DAGLA: variants seen among roughly 807,000 people sequenced by gnomAD.
DAGLA encodes diacylglycerol lipase alpha.
In DAGLA, 22 loss-of-function variants were observed where a neutral mutation model predicts 102.6. The ratio of observed to expected loss-of-function variants is 0.21; its 90% CI spans 0.15 to 0.31. The LOEUF (loss-of-function observed/expected upper bound fraction) is 0.31, where lower values mean the gene tolerates loss of function less well. Among genes scored for constraint, DAGLA ranks in the 10% least tolerant of loss-of-function variants. The pLI, the probability that DAGLA is intolerant of heterozygous loss-of-function variation, is 1.00. For synonymous variants in DAGLA, 578 were observed against 628.9 expected, an observed-to-expected ratio of 0.92 and a Z score of 1.21; for missense variants, 927 against 1,446.6, an observed-to-expected ratio of 0.64 and a Z score of 5.83.
chr11:61,737,868 G>A, intron 15 of DAGLA, 113 bp downstream of exon 15: 1 of 988,810 alleles, frequency 1.0e-6, no homozygotes, highest in Non-Finnish European at 1.6e-6. Context: ...GTCTCTCAAG[G>A]GACCCCACGC....
At chr11:61,738,509 C>G (rs1340843678) in intron 16 of DAGLA, among the ~76,000 whole-genome samples, 2 of 152,208 alleles carry the variant, frequency 1.3e-5, no homozygotes, top group Non-Finnish European at 2.9e-5. Context: ...TCACACAGAG[C>G]TGGGAGCTGC....
At chr11:61,692,874 A>G (rs561795089) in intron 1 of DAGLA, among the ~76,000 whole-genome samples, 1 of 130,710 alleles carries the variant, frequency 7.7e-6, no homozygotes, top group African/African-American at 2.8e-5. Context: ...CTCACCTTTT[A>G]GTTCAGTAAA....
chr11:61,722,352 G>A (rs567067880), intron 3 of DAGLA, among the ~76,000 whole-genome samples: 276 of 152,298 alleles, frequency 1.8e-3, no homozygotes, highest in African/African-American at 6.1e-3. Context: ...TTGGGAGGCC[G>A]AGGCGGGTGG....
Position 61,743,567 on chromosome 11 carries a change from T to A in DAGLA, c.2207T>A (p.Phe736Tyr). Reference sequence around the variant, plus strand: ...CAGTCTGAGATGAGCCTGGAGGGCTTCTCGGAGGGGCGGCTGCTGTCGCCA... The same window carrying A: ...CAGTCTGAGATGAGCCTGGAGGGCTACTCGGAGGGGCGGCTGCTGTCGCCA... Reference protein sequence around the residue: ...KSQSEMSLEGFSEGRLLSPVV... With the variant: ...KSQSEMSLEGYSEGRLLSPVV... The change falls in exon 20 of 20, where the codon TTC becomes TAC. Residue 736 changes from phenylalanine (F) to tyrosine (Y), a missense_variant. Around this residue, in one of 4 missense-constraint regions of DAGLA, gnomAD observed 434 missense variants for 503.3 expected, o/e 0.86. Coordinates refer to ENST00000257215, the MANE Select transcript of DAGLA (RefSeq NM_006133.3). The A allele has an allele frequency of 6.5e-7, 1 of 1,547,950 alleles. No individual in the cohort carries two copies. Among genetic ancestry groups the A allele is most frequent in the Non-Finnish European group, 8.7e-7 (1 of 1,153,616 alleles).
intron 1 of DAGLA, among the ~76,000 whole-genome samples, chr11:61,685,132 A>G (rs1405399265): frequency 1.3e-5 from 2 of 151,950 alleles, no homozygotes; most frequent in African/African-American, 4.8e-5. Flanking sequence ...GCCCATGGGT[A>G]GTTATGACTT....
chr11:61,699,488 C>T (rs1201195895), intron 1 of DAGLA, among the ~76,000 whole-genome samples: 1 of 152,212 alleles, frequency 6.6e-6, no homozygotes, highest in East Asian at 1.9e-4. Flanking sequence ...CCCACATGGG[C>T]CTCATCCCAT....
intron 1 of DAGLA, among the ~76,000 whole-genome samples, chr11:61,716,683 C>G (rs764215710): frequency 6.6e-6 from 1 of 152,098 alleles, no homozygotes. Context: ...CGCTGCCGCC[C>G]GAGGGGCTTG....
chr11:61,715,704 C>T (rs1490411040), intron 1 of DAGLA, among the ~76,000 whole-genome samples: 1 of 152,228 alleles, frequency 6.6e-6, no homozygotes, highest in Non-Finnish European at 1.5e-5. Flanking sequence ...GCACCAGCAG[C>T]ACCTTCCAGA....
chr11:61,716,257 C>T (rs1437111159), intron 1 of DAGLA, among the ~76,000 whole-genome samples: 1 of 152,090 alleles, frequency 6.6e-6, no homozygotes, highest in Non-Finnish European at 1.5e-5. Flanking sequence ...TTAACCGTAA[C>T]ACAGTGTGAC....
intron 2 of DAGLA, 46 bp from the exon 3 acceptor site, chr11:61,720,633 G>GT: frequency 6.3e-7 from 1 of 1,590,098 alleles, no homozygotes; most frequent in South Asian, 1.1e-5. Context: ...GCATCTCGAG[G>GT]TACAGGGGCC....
rs1422747223 is a variant in DAGLA, at chr11:61,740,499, C to T, written c.1890C>T (p.Ile630=). The T allele has an allele frequency of 6.2e-7, 1 of 1,613,888 alleles. No individual in the cohort carries two copies. The highest frequency in any genetic ancestry group is 1.7e-5 in the Admixed American group (1 of 60,030). ...CEQEEPTYFA[I]WGDNKAFNEV... The stretch of plus-strand genomic sequence containing the variant: ...AGGAGGAGCCCACATACTTTGCCAT[C>T]TGGGGCGACAACAAGGCCTTCAATG... Residue 630 remains isoleucine (I), a synonymous_variant, in exon 18 of 20, where the codon ATC becomes ATT. Coordinates refer to ENST00000257215, the MANE Select transcript of DAGLA (RefSeq NM_006133.3).
chr11:61,680,985 T>C (rs919445363), intron 1 of DAGLA, among the ~76,000 whole-genome samples: 2 of 152,082 alleles, frequency 1.3e-5, no homozygotes, highest in Non-Finnish European at 2.9e-5. Flanking sequence ...TCTGGGGTGA[T>C]AGCACTGGGG....
rs148087770 is a variant in DAGLA, at chr11:61,712,291, G to A, written c.-44-7821G>A. The stretch of plus-strand genomic sequence containing the variant: ...CTCAGTTTCCCGATCCATGACATGC[G>A]AACAGCTAGACCCACCCCTGGGGTT... On this transcript the variant is annotated intron_variant, in intron 1 of 19. Transcript: ENST00000257215. Among the ~76,000 whole-genome samples the A allele has an allele frequency of 2.7e-3, 409 of 152,286 alleles. 2 individuals are homozygous for A. The highest frequency in any genetic ancestry group is 9.2e-3 in the African/African-American group (383 of 41,556).
rs372910416 is a variant in DAGLA, at chr11:61,731,355, G to T, written c.888G>T (p.Met296Ile). 1 of 1,614,094 alleles carries T rather than the reference G, an allele frequency of 6.2e-7. No homozygotes were observed. Among genetic ancestry groups the T allele is most frequent in the Non-Finnish European group, 8.5e-7 (1 of 1,180,002 alleles). The change falls in exon 9 of 20, where the codon ATG (methionine) becomes ATT (isoleucine). Residue 296 changes from methionine (M) to isoleucine (I), a missense_variant. Physicochemically the swap from Met to Ile is conservative, Grantham distance 10 (BLOSUM62 1). Coordinates refer to ENST00000257215, the MANE Select transcript of DAGLA (RefSeq NM_006133.3). ...MLRYKEVCYYMLFALAAYGWP... is the reference protein window; with the variant it reads ...MLRYKEVCYYILFALAAYGWP... ...GCTACAAAGAGGTCTGCTACTACAT[G>T]CTCTTTGCCCTGGCTGCCTACGGGT...
chr11:61,719,431 G>T (rs1344764567), intron 1 of DAGLA, among the ~76,000 whole-genome samples: 1 of 152,182 alleles, frequency 6.6e-6, no homozygotes, highest in Admixed American at 6.5e-5. Context: ...CTCCCTGGAG[G>T]CATAGCTGTG....
intron 1 of DAGLA, among the ~76,000 whole-genome samples, chr11:61,688,555 G>C (rs1339662437): frequency 6.6e-6 from 1 of 152,162 alleles, no homozygotes; most frequent in Non-Finnish European, 1.5e-5. Context: ...CCAGGCCCTG[G>C]TCTGTTGTCC....
intron 1 of DAGLA, among the ~76,000 whole-genome samples, chr11:61,709,080 G>A (rs990107768): frequency 2.6e-5 from 4 of 152,200 alleles, no homozygotes; most frequent in Non-Finnish European, 5.9e-5. Flanking sequence ...GAAATGCTGT[G>A]ATCATTGTGT....
Position 61,720,714 on chromosome 11 carries a change from T to C in DAGLA, c.131T>C (p.Val44Ala). 1 of 1,613,880 alleles carries C rather than the reference T, an allele frequency of 6.2e-7. No homozygotes were observed. The highest frequency in any genetic ancestry group is 1.3e-5 in the African/African-American group (1 of 75,040). Residue 44 changes from valine (V) to alanine (A), a missense_variant, in exon 3 of 20, where the codon GTC (valine) becomes GCC (alanine). Physicochemically the swap from Val to Ala is moderately conservative, Grantham distance 64 (BLOSUM62 0). Coordinates refer to ENST00000257215, the MANE Select transcript of DAGLA (RefSeq NM_006133.3). ...VILSVVLFGL[V>A]YNPHEACSLN... is the part of the protein sequence containing the mutation. ...CTGTCCGTGGTGCTCTTCGGCCTGGTCTATAACCCGCACGAGGCCTGCTCC... is the reference window on the plus strand; with the variant it reads ...CTGTCCGTGGTGCTCTTCGGCCTGGCCTATAACCCGCACGAGGCCTGCTCC...
Position 61,720,181 on chromosome 11 carries a change from G to A in DAGLA, c.26G>A (p.Arg9Gln), listed in dbSNP as rs749902731. ...ATGCCCGGGATCGTGGTGTTCCGGC[G>A]GCGCTGGTCTGTGGGCAGTGATGAC... The part of the protein sequence containing the change: MPGIVVFR[R>Q]RWSVGSDDLV... Residue 9 changes from arginine (R) to glutamine (Q), a missense_variant, in exon 2 of 20, where the codon CGG (arginine) becomes CAG (glutamine). This residue lies in a region of DAGLA where 231 missense variants were observed against 439.8 expected (regional missense o/e 0.53). Transcript: ENST00000257215. 2 of 1,613,524 alleles carry A rather than the reference G, an allele frequency of 1.2e-6. No homozygotes were observed. Among genetic ancestry groups the A allele is most frequent in the South Asian group, 1.1e-5 (1 of 91,076 alleles).
Sources: allele counts gnomAD v4.1 joint callset (sites outside exome capture counted in the v4.1 genomes callset), GRCh38; gene constraint gnomAD v4.1.1; regional missense constraint gnomAD v4.1.1; transcripts MANE v1.5; gene names NCBI Gene and HGNC (gene_info 2026-07-23, HGNC 2026-07-21).